Variants in SMARCA2 observed in about 807,000 individuals in gnomAD.
The protein encoded by SMARCA2 is SWI/SNF related BAF chromatin remodeling complex subunit ATPase 2.
SMARCA2 carries 61 observed loss-of-function variants against 199.8 expected under a neutral mutation model. That is an observed-to-expected ratio of 0.31 (90% CI 0.25 to 0.38). SMARCA2 has a LOEUF of 0.38. Ranked by LOEUF, SMARCA2 falls within the 10% of genes least tolerant of loss-of-function variation. SMARCA2 has a pLI of 1.00. For missense variants in SMARCA2, 1,344 were observed against 2,012.2 expected (o/e 0.67, Z 6.35); for synonymous variants, 935 against 732.0 (o/e 1.28, Z -4.48).
intron 26 of SMARCA2, among the ~76,000 whole-genome samples, chr9:2,120,340 A>G (rs1823401679): frequency 6.6e-6 from 1 of 152,164 alleles, no homozygotes; most frequent in Non-Finnish European, 1.5e-5. Context: ...GGGCAGAGGT[A>G]GGTGTACTGG....
intron 12 of SMARCA2, among the ~76,000 whole-genome samples, chr9:2,074,109 C>A (rs773218643): frequency 6.6e-6 from 1 of 152,174 alleles, no homozygotes; most frequent in African/African-American, 2.4e-5. Context: ...CTCTTGATTT[C>A]TCTCCAAATG....
chr9:2,051,550 G>A (rs1024457619), intron 5 of SMARCA2, among the ~76,000 whole-genome samples: 1 of 152,132 alleles, frequency 6.6e-6, no homozygotes, highest in Non-Finnish European at 1.5e-5. Flanking sequence ...GTTATCTGAC[G>A]ATTACTTATT....
intron 3 of SMARCA2, among the ~76,000 whole-genome samples, chr9:2,033,528 G>A (rs1023665785): frequency 6.6e-6 from 1 of 151,816 alleles, no homozygotes; most frequent in Non-Finnish European, 1.5e-5. Flanking sequence ...TGAACCACCT[G>A]TGTCCCTTGA....
At chr9:2,084,872 A>G (rs1428145680) in intron 17 of SMARCA2, among the ~76,000 whole-genome samples, 2 of 152,184 alleles carry the variant, frequency 1.3e-5, no homozygotes, top group African/African-American at 4.8e-5. Context: ...TCCCATTTAT[A>G]TCATCTTGTC....
chr9:2,115,808 G>A lies in SMARCA2; in HGVS notation c.3457-14G>A. The A allele has an allele frequency of 1.2e-6, 2 of 1,611,190 alleles. No homozygotes were observed. The highest frequency in any genetic ancestry group is 1.7e-6 in the Non-Finnish European group (2 of 1,178,014). On this transcript the variant is annotated splice_polypyrimidine_tract_variant and intron_variant, in intron 24 of 33. Coordinates refer to ENST00000349721, the MANE Select transcript of SMARCA2 (RefSeq NM_003070.5). This position sits in a 1 kb window ranked among gnomAD's most constrained non-coding sequence, Gnocchi z 6.0. ...GGCATCTCAGTCCTCATAGCATATTGACCCCCCAAACAGGATCTGCAGGCC... is the reference window on the plus strand; with the variant it reads ...GGCATCTCAGTCCTCATAGCATATTAACCCCCCAAACAGGATCTGCAGGCC...
chr9:2,076,019 C>T (rs1821309181), intron 12 of SMARCA2, among the ~76,000 whole-genome samples: 1 of 152,098 alleles, frequency 6.6e-6, no homozygotes, highest in Non-Finnish European at 1.5e-5. Flanking sequence ...TCAGAGAGTT[C>T]CCTTCATTAT....
chr9:2,155,290 A>C (rs1316235461), intron 27 of SMARCA2, among the ~76,000 whole-genome samples: 2 of 149,124 alleles, frequency 1.3e-5, no homozygotes, highest in African/African-American at 2.5e-5. Flanking sequence ...TTTTCTTTTT[A>C]TTTTTTTTTT....
At chr9:2,131,968 A>G (rs1823981511) in intron 27 of SMARCA2, among the ~76,000 whole-genome samples, 1 of 151,772 alleles carries the variant, frequency 6.6e-6, no homozygotes, top group African/African-American at 2.4e-5. Context: ...AAAAAATGAC[A>G]TTTATAATAC....
At chr9:2,092,157 C>G (rs1822089050) in intron 19 of SMARCA2, among the ~76,000 whole-genome samples, 1 of 152,166 alleles carries the variant, frequency 6.6e-6, no homozygotes, top group African/African-American at 2.4e-5. Flanking sequence ...TCTGTGCTGA[C>G]TCTTTTGTTA....
In SMARCA2 at chr9:2,119,578, T is replaced by C; in HGVS notation, c.3762+43T>C. 1.5e-6 allele frequency: 2 copies of C among 1,337,280 alleles called. No homozygotes were observed. Among genetic ancestry groups the C allele is most frequent in the Non-Finnish European group, 2.1e-6 (2 of 930,416 alleles). 82.8% of individuals were successfully genotyped at this position (1,337,280 alleles called of 1,614,324 possible). On this transcript the variant is annotated intron_variant, in intron 26 of 33. Coordinates refer to ENST00000349721, the MANE Select transcript of SMARCA2 (RefSeq NM_003070.5). This position sits in a 1 kb window ranked among gnomAD's most constrained non-coding sequence, Gnocchi z 4.6. ...CATGAACACAAATGCTTTATACCTC[T>C]GCCCCTTTTTCTGTTAAGCAGAATG...
intron 29 of SMARCA2, 105 bp from the exon 30 acceptor site, chr9:2,181,466 C>A (rs973954303): frequency 2.9e-6 from 2 of 679,850 alleles, no homozygotes; most frequent in East Asian, 2.7e-5. Context: ...TATCTATATG[C>A]GTGGAATATA....
chr9:2,162,974 C>G (rs1001859896), intron 28 of SMARCA2: 1 of 152,218 alleles, frequency 6.6e-6, no homozygotes, highest in Non-Finnish European at 1.5e-5. Flanking sequence ...AAATGTTTGA[C>G]ATTAACTAGT....
intron 9 of SMARCA2, 53 bp from the exon 10 acceptor site, chr9:2,070,365 C>T: frequency 2.0e-6 from 3 of 1,464,184 alleles, no homozygotes; most frequent in Non-Finnish European, 9.6e-7. Context: ...ACCAGGAAGT[C>T]CTGTACCCCA....
At chr9:2,100,915 T>C (rs1475674370) in intron 21 of SMARCA2, among the ~76,000 whole-genome samples, 1 of 152,024 alleles carries the variant, frequency 6.6e-6, no homozygotes, top group Non-Finnish European at 1.5e-5. Flanking sequence ...CTCACAGTCA[T>C]GGCAGAAGGT....
chr9:2,098,524 A>G (rs1445394402), intron 21 of SMARCA2, among the ~76,000 whole-genome samples: 1 of 152,214 alleles, frequency 6.6e-6, no homozygotes, highest in East Asian at 1.9e-4. Context: ...AGGAGAAAGT[A>G]TCCATAGACA....
intron 8 of SMARCA2, 103 bp downstream of exon 8, chr9:2,058,567 T>G (rs753682965): frequency 4.2e-5 from 41 of 969,622 alleles, no homozygotes; most frequent in Non-Finnish European, 5.9e-5. Flanking sequence ...TGAAAACTGC[T>G]TATCAAAAAT....
At chr9:2,078,914 C>T (rs994569154) in intron 14 of SMARCA2, among the ~76,000 whole-genome samples, 1 of 151,968 alleles carries the variant, frequency 6.6e-6, no homozygotes, top group African/African-American at 2.4e-5. Context: ...CACTGCACTC[C>T]AGCCTCGGCA....
At chr9:2,116,808 A>G (rs1476818527) in intron 25 of SMARCA2, among the ~76,000 whole-genome samples, 2 of 152,226 alleles carry the variant, frequency 1.3e-5, no homozygotes, top group Non-Finnish European at 2.9e-5. Context: ...ATATCAGCAG[A>G]AGTCCTTATC....
At chr9:2,146,408 G>T (rs1824746546) in intron 27 of SMARCA2, among the ~76,000 whole-genome samples, 1 of 152,122 alleles carries the variant, frequency 6.6e-6, no homozygotes, top group Non-Finnish European at 1.5e-5. Context: ...TCAGATCATA[G>T]AGATCTCTAG....
Sources: allele counts gnomAD v4.1 joint callset (sites outside exome capture counted in the v4.1 genomes callset), GRCh38; gene constraint gnomAD v4.1.1; non-coding constraint Gnocchi (gnomAD v3.1); transcripts MANE v1.5; gene names NCBI Gene and HGNC (gene_info 2026-07-23, HGNC 2026-07-21).